ABCB1: variants seen among roughly 807,000 people sequenced by gnomAD.
ABCB1 encodes ATP-dependent translocase ABCB1.
In ABCB1, 69 loss-of-function variants were observed where a neutral mutation model predicts 142.0. The observed-to-expected ratio is 0.49, with a 90% confidence interval of 0.40 to 0.59. The LOEUF is 0.59. ABCB1 is among the 20% of genes least tolerant of loss of function. The pLI, the probability that ABCB1 is intolerant of heterozygous loss-of-function variation, is 0.00. For synonymous variants in ABCB1, 532 were observed against 539.2 expected, an observed-to-expected ratio of 0.99 and a Z score of 0.18; for missense variants, 1,326 against 1,554.7, an observed-to-expected ratio of 0.85 and a Z score of 2.47.
At chr7:87,553,965 A>G in intron 8 of ABCB1, 33 bp from the exon 9 acceptor site, 1 of 1,577,038 alleles carries the variant, frequency 6.3e-7, no homozygotes, top group Non-Finnish European at 8.7e-7. Flanking sequence ...TCACATATAC[A>G]TTTTATGAAA....
intron 1 of ABCB1, among the ~76,000 whole-genome samples, chr7:87,675,872 C>T (rs1826303990): frequency 6.6e-6 from 1 of 151,994 alleles, no homozygotes; most frequent in Non-Finnish European, 1.5e-5. Flanking sequence ...GGACTTAACA[C>T]CCAAAGTACA....
intron 16 of ABCB1, among the ~76,000 whole-genome samples, chr7:87,544,520 C>G (rs1816687071): frequency 6.6e-6 from 1 of 152,126 alleles, no homozygotes; most frequent in Non-Finnish European, 1.5e-5. Flanking sequence ...CAAACACTTA[C>G]TTTTATTTGG....
rs979500744 is a variant in ABCB1 at position 87,629,049 on chromosome 7, A to C, written c.-330-27971T>G. On this transcript the variant is annotated intron_variant, in intron 1 of 28. Coordinates refer to the ABCB1 transcript ENST00000265724. ...TCCCGGGCATGATGGGCTGCCGCCC[A>C]GTGCCCCCGCCTATGTTGCGCCAGC... The C allele has an allele frequency of 7.2e-6, 8 of 1,104,958 alleles. No homozygotes were observed. The African/African-American group carries it at 1.3e-4, about 18-fold the overall frequency. 68.4% of individuals were successfully genotyped at this position (1,104,958 alleles called of 1,614,324 possible). A position where few individuals can be genotyped will look rare whatever the true frequency, so the allele number is the denominator to read the frequency against.
chr7:87,570,699 A>C (rs1235835181), intron 4 of ABCB1, among the ~76,000 whole-genome samples: 2 of 152,226 alleles, frequency 1.3e-5, no homozygotes, highest in African/African-American at 4.8e-5. Flanking sequence ...CAATATTAGC[A>C]AATGCTAACA....
intron 8 of ABCB1, among the ~76,000 whole-genome samples, chr7:87,554,719 A>G (rs1341979858): frequency 6.6e-6 from 1 of 152,198 alleles, no homozygotes; most frequent in African/African-American, 2.4e-5. Context: ...CTGCTGAACT[A>G]ACAGGATCTG....
Position 87,544,828 on chromosome 7 carries a change from C to A in ABCB1, c.2059G>T (p.Ala687Ser). 6.2e-7 allele frequency: 1 copy of A among 1,613,978 alleles called. No homozygotes were observed. The highest frequency in any genetic ancestry group is 8.5e-7 in the Non-Finnish European group (1 of 1,179,968). The change falls in exon 16 of 28, where the codon GCT becomes TCT. Residue 687 changes from alanine to serine, a missense_variant. By Grantham distance (99) the Ala-to-Ser change is moderately conservative. Transcript: ENST00000622132. ...CTCCGCATCTCCCTTCATACCAGAG[C>A]CTCTTTGGTACTAAGCTTTCTGTCT... The part of the protein sequence containing the change: ...AQDRKLSTKE[A>S]LDESIPPVSF...
chr7:87,652,409 C>T lies in ABCB1; in HGVS notation c.-330-51331G>A, dbSNP rs1299275988. Among the ~76,000 whole-genome samples, 3 of 151,770 alleles carry T rather than the reference C, an allele frequency of 2.0e-5. No individual in the cohort carries two copies. The East Asian group carries it at 5.8e-4, about 29-fold the overall frequency. On this transcript the variant is annotated intron_variant, in intron 1 of 28. Coordinates refer to the ABCB1 transcript ENST00000265724. ...TGCTTCAGCAAAATATAGATCACAC[C>T]CCTTCAGAATTATTTCTAAACAATC...
chr7:87,621,375 C>T (rs1410504922), intron 1 of ABCB1, among the ~76,000 whole-genome samples: 2 of 151,992 alleles, frequency 1.3e-5, no homozygotes, highest in South Asian at 4.1e-4. Flanking sequence ...TAGTACCTGA[C>T]AAAGGTAGCA....
At chr7:87,573,498 C>G (rs926990230) in intron 4 of ABCB1, among the ~76,000 whole-genome samples, 2 of 152,152 alleles carry the variant, frequency 1.3e-5, no homozygotes, top group Admixed American at 1.3e-4. Context: ...GTTCAAGTCC[C>G]CATCATTTCT....
intron 1 of ABCB1, among the ~76,000 whole-genome samples, chr7:87,622,820 C>G (rs962596118): frequency 6.6e-6 from 1 of 151,854 alleles, no homozygotes; most frequent in Admixed American, 6.6e-5. Flanking sequence ...CGCATGAGAC[C>G]GGGAGTTCAT....
At chr7:87,585,448 A>T (rs1194634092) in intron 4 of ABCB1, 64 bp downstream of exon 4, 1 of 1,542,100 alleles carries the variant, frequency 6.5e-7, no homozygotes, top group Non-Finnish European at 8.9e-7. Context: ...ATCCATAAAC[A>T]TCACTCTAAG....
At chr7:87,604,056 C>T (rs965575454), upstream of ABCB1, among the ~76,000 whole-genome samples, 1 of 152,092 alleles carries the variant, frequency 6.6e-6, no homozygotes, top group South Asian at 2.1e-4. Flanking sequence ...ATACGTTTGA[C>T]CTATTATTCT....
At chr7:87,654,732 A>G (rs1277819556) in intron 1 of ABCB1, among the ~76,000 whole-genome samples, 1 of 152,150 alleles carries the variant, frequency 6.6e-6, no homozygotes, top group Non-Finnish European at 1.5e-5. Context: ...AAGTGGAATT[A>G]CATCAAACTA....
intron 23 of ABCB1, among the ~76,000 whole-genome samples, chr7:87,517,801 G>C (rs1815318315): frequency 6.6e-6 from 1 of 152,026 alleles, no homozygotes; most frequent in African/African-American, 2.4e-5. Context: ...AGTTGGGAAG[G>C]ACCTTACAGG....
intron 1 of ABCB1, among the ~76,000 whole-genome samples, chr7:87,607,830 T>C (rs1819710705): frequency 6.6e-6 from 1 of 152,192 alleles, no homozygotes; most frequent in Non-Finnish European, 1.5e-5. Context: ...AGATGAGCCG[T>C]GTAAAGTTCC....
intron 1 of ABCB1, among the ~76,000 whole-genome samples, chr7:87,645,086 T>C (rs958587403): frequency 2.7e-5 from 4 of 150,392 alleles, no homozygotes; most frequent in African/African-American, 7.3e-5. Context: ...TCTTTCTTTT[T>C]TTTTTTTTTT....
intron 21 of ABCB1, among the ~76,000 whole-genome samples, chr7:87,527,399 C>T (rs1029702383): frequency 2.4e-4 from 37 of 152,064 alleles, no homozygotes; most frequent in African/African-American, 6.0e-4. Flanking sequence ...ATGGCTTTTA[C>T]GAATTTTGTT....
At chr7:87,547,483 T>G (rs970158405) in intron 14 of ABCB1, among the ~76,000 whole-genome samples, 8 of 152,260 alleles carry the variant, frequency 5.3e-5, no homozygotes, top group African/African-American at 1.4e-4. Context: ...ATTCCAGCAC[T>G]TTGGGAGGCT....
chr7:87,584,874 A>G (rs1818665568), intron 4 of ABCB1, among the ~76,000 whole-genome samples: 1 of 151,696 alleles, frequency 6.6e-6, no homozygotes, highest in Admixed American at 6.6e-5. Context: ...TTCAAACATC[A>G]CTTTCTCCTT....
Sources: allele counts gnomAD v4.1 joint callset (sites outside exome capture counted in the v4.1 genomes callset), GRCh38; gene constraint gnomAD v4.1.1; transcripts MANE v1.5; gene names NCBI Gene and HGNC (gene_info 2026-07-23, HGNC 2026-07-21).